The following MINPP1 variants were observed in gnomAD, a reference collection of about 807,000 sequenced individuals.
MINPP1 encodes multiple inositol-polyphosphate phosphatase 1.
In MINPP1, 28 loss-of-function variants were observed where a neutral mutation model predicts 46.1. The ratio of observed to expected loss-of-function variants is 0.61; its 90% CI spans 0.45 to 0.83. The LOEUF (loss-of-function observed/expected upper bound fraction) is 0.83. Among genes scored for constraint, MINPP1 ranks in the 40% least tolerant of loss-of-function variants. MINPP1 has a pLI of 0.00. For missense variants in MINPP1, 603 were observed against 610.0 expected, an observed-to-expected ratio of 0.99 and a Z score of 0.12; for synonymous variants, 268 against 249.1, an observed-to-expected ratio of 1.08 and a Z score of -0.72.
chr10:87,544,169 C>T (rs1208684324), intron 4 of MINPP1, among the ~76,000 whole-genome samples: 2 of 152,200 alleles, frequency 1.3e-5, no homozygotes, highest in African/African-American at 4.8e-5. Flanking sequence ...GTTTTCACAG[C>T]CCCCTCTTTG....
At chr10:87,538,718 C>G (rs1263185588) in intron 4 of MINPP1, among the ~76,000 whole-genome samples, 1 of 152,132 alleles carries the variant, frequency 6.6e-6, no homozygotes, top group Non-Finnish European at 1.5e-5. Flanking sequence ...TCTGGCAGTT[C>G]ATGTTGCTTA....
intron 4 of MINPP1, among the ~76,000 whole-genome samples, chr10:87,521,747 T>A (rs4934344): frequency 0.74 from 112,317 of 152,236 alleles, 42,177 homozygotes; most frequent in African/African-American, 0.88. Flanking sequence ...GCTGTTATAA[T>A]TAGTGTAATT....
chr10:87,549,667 G>T lies in MINPP1; in HGVS notation c.1068-2415G>T, dbSNP rs190515503. Among the ~76,000 whole-genome samples, 661 of 152,264 alleles carry T rather than the reference G, an allele frequency of 4.3e-3. 6 individuals are homozygous for T. The highest frequency in any genetic ancestry group is 3.9e-3 in the Non-Finnish European group (265 of 68,016). ...CCCCAGTTTATTAGAGTTCTTCTGT[G>T]GGGGAAAGAGGAGAGAGTTACTGAC... is the stretch of plus-strand genomic sequence containing the variant. On this transcript the variant is annotated intron_variant, in intron 4 of 4. Coordinates refer to ENST00000371996, the MANE Select transcript of MINPP1 (RefSeq NM_004897.5).
At chr10:87,551,894 G>A (rs1851968216) in intron 4 of MINPP1, among the ~76,000 whole-genome samples, 188 bp from the exon 5 acceptor site, 1 of 152,006 alleles carries the variant, frequency 6.6e-6, no homozygotes, top group East Asian at 1.9e-4. Context: ...TTAACTTTCA[G>A]TATAAAAAGT....
intron 3 of MINPP1, among the ~76,000 whole-genome samples, chr10:87,519,918 A>G (rs1851474526): frequency 6.6e-6 from 1 of 152,208 alleles, no homozygotes; most frequent in South Asian, 2.1e-4. Flanking sequence ...TTTAACCCTC[A>G]GATAAAGGCT....
chr10:87,537,840 G>T (rs1364090565), intron 4 of MINPP1, among the ~76,000 whole-genome samples: 5 of 151,808 alleles, frequency 3.3e-5, no homozygotes, highest in African/African-American at 9.7e-5. Flanking sequence ...TGCGATCATA[G>T]CTCACTACAG....
intron 4 of MINPP1, among the ~76,000 whole-genome samples, chr10:87,537,511 T>TTGTGTG (rs1554853571): frequency 1.7e-3 from 149 of 85,178 alleles, no homozygotes; most frequent in Admixed American, 4.9e-3. Context: ...TTATTACTGT[T>TTGTGTG]TGTGTGTGTG....
intron 4 of MINPP1, among the ~76,000 whole-genome samples, chr10:87,547,752 G>A (rs1851908090): frequency 1.3e-5 from 2 of 152,142 alleles, no homozygotes; most frequent in African/African-American, 4.8e-5. Flanking sequence ...TCTAAACTCA[G>A]CACACCACTA....
intron 4 of MINPP1, among the ~76,000 whole-genome samples, chr10:87,533,914 AAATGTACGCC>A (rs1222191625): frequency 6.6e-6 from 1 of 152,126 alleles, no homozygotes; most frequent in Non-Finnish European, 1.5e-5. Flanking sequence ...AAGTTCTTAG[AAATGTACGCC>A]AATTCTAGGT....
chr10:87,505,687 G>T lies in MINPP1; in HGVS notation c.637+135G>T. The T allele has an allele frequency of 1.3e-6, 1 of 792,478 alleles. No individual in the cohort carries two copies. Among genetic ancestry groups the T allele is most frequent in the South Asian group, 1.8e-5 (1 of 56,710 alleles). 49.1% of individuals were successfully genotyped at this position (792,478 alleles called of 1,614,324 possible). On this transcript the variant is annotated intron_variant, in intron 1 of 4. Transcript: ENST00000371996. The surrounding 1 kb of genome is among the most constrained non-coding windows in gnomAD (Gnocchi z 4.4). ...TCTTTTCCCAAGCCATCATCCCTCGGGCTACGTCCTCCCTGTCGAGGGATA... is the reference window on the plus strand; with the variant it reads ...TCTTTTCCCAAGCCATCATCCCTCGTGCTACGTCCTCCCTGTCGAGGGATA...
intron 3 of MINPP1, among the ~76,000 whole-genome samples, chr10:87,517,909 GC>G (rs1374503749): frequency 6.6e-6 from 1 of 151,020 alleles, no homozygotes; most frequent in Non-Finnish European, 1.5e-5. Context: ...GGAGCCACTT[GC>G]CTCAGCCTCC....
chr10:87,522,719 T>C (rs1258197660), intron 4 of MINPP1, among the ~76,000 whole-genome samples: 1 of 152,166 alleles, frequency 6.6e-6, no homozygotes, highest in African/African-American at 2.4e-5. Context: ...ATGAGAGTGG[T>C]GGTTGCTGAA....
chr10:87,516,893 T>C lies in MINPP1; in HGVS notation c.933+3672T>C, dbSNP rs184900384. ...TTTATTTTTTCCCTAAGAAACAGTT[T>C]AGCTTTATCTGTTTTTGAACTTTAT... On this transcript the variant is annotated intron_variant, in intron 3 of 4. Transcript: ENST00000371996. Among the ~76,000 whole-genome samples, 19 of 152,368 alleles carry C rather than the reference T, an allele frequency of 1.2e-4. No individual in the cohort carries two copies. In the East Asian group the frequency reaches 2.5e-3, roughly 20 times the overall value.
intron 4 of MINPP1, among the ~76,000 whole-genome samples, chr10:87,528,117 C>G (rs1851604363): frequency 6.6e-6 from 1 of 152,044 alleles, no homozygotes; most frequent in African/African-American, 2.4e-5. Context: ...ATTAGTCTTG[C>G]TAGCAGTCTA....
intron 3 of MINPP1, among the ~76,000 whole-genome samples, chr10:87,518,287 G>A (rs1851443907): frequency 1.3e-5 from 2 of 150,978 alleles, no homozygotes; most frequent in Admixed American, 1.3e-4. Context: ...TAAAGTTTTA[G>A]TGGTAAGCAT....
intron 4 of MINPP1, among the ~76,000 whole-genome samples, chr10:87,544,555 T>C (rs181009224): frequency 1.3e-5 from 2 of 152,298 alleles, no homozygotes; most frequent in Admixed American, 1.3e-4. Flanking sequence ...AGCTCCATCC[T>C]GAAGCTATCA....
At chr10:87,551,661 T>G (rs1271229733) in intron 4 of MINPP1, among the ~76,000 whole-genome samples, 2 of 152,084 alleles carry the variant, frequency 1.3e-5, no homozygotes, top group African/African-American at 4.8e-5. Flanking sequence ...TCCCTAGATA[T>G]AAATAAAATA....
At chr10:87,518,163 G>C (rs1416519591) in intron 3 of MINPP1, among the ~76,000 whole-genome samples, 1 of 150,696 alleles carries the variant, frequency 6.6e-6, no homozygotes, top group African/African-American at 2.4e-5. Context: ...GTTTCACCCT[G>C]TTAGCCAGGA....
At chr10:87,512,337 T>C (rs1851346589) in intron 2 of MINPP1, among the ~76,000 whole-genome samples, 1 of 152,204 alleles carries the variant, frequency 6.6e-6, no homozygotes. Flanking sequence ...CAGCTAAGTT[T>C]GAAAAACTCA....
Sources: gnomAD v4.1 joint callset for allele counts (sites outside exome capture counted in the v4.1 genomes callset) on GRCh38, gnomAD v4.1.1 for gene constraint, Gnocchi (gnomAD v3.1) non-coding constraint, MANE v1.5 for transcripts, NCBI Gene and HGNC (gene_info 2026-07-23, HGNC 2026-07-21) for gene names.